Variants in PDGFD observed in about 807,000 individuals in gnomAD.
The protein encoded by PDGFD is platelet-derived growth factor D.
A neutral mutation model predicts 44.7 loss-of-function variants in PDGFD; 30 were observed. The ratio of observed to expected loss-of-function variants is 0.67; its 90% CI spans 0.50 to 0.91. PDGFD has a LOEUF of 0.91. Ranked by LOEUF, PDGFD falls within the 40% of genes least tolerant of loss-of-function variation. The pLI is 0.00. For synonymous variants in PDGFD, 173 were observed against 168.4 expected (o/e 1.03, Z -0.21); for missense variants, 445 against 457.8 (o/e 0.97, Z 0.25).
At chr11:104,159,153 C>CAAAA (rs765727400) in intron 1 of PDGFD, among the ~76,000 whole-genome samples, 23 of 66,482 alleles carry the variant, frequency 3.5e-4, no homozygotes, top group East Asian at 1.4e-3. Context: ...GACTCCATCT[C>CAAAA]AAAAAAAAAA....
chr11:103,957,820 A>G (rs1378656098), intron 3 of PDGFD, among the ~76,000 whole-genome samples: 2 of 152,164 alleles, frequency 1.3e-5, no homozygotes, highest in African/African-American at 4.8e-5. Flanking sequence ...GGGGTGCCGC[A>G]TACCAAGGGG....
chr11:104,162,164 C>T lies in PDGFD; in HGVS notation c.124+1640G>A, dbSNP rs78524957. On this transcript the variant is annotated intron_variant, in intron 1 of 6. Transcript: ENST00000393158. ...TATTCTCTTTCAAAAAAAAAAAAAC[C>T]TGCTGAGCTACATAACTTGGTTTTA... 2.2e-3 allele frequency among the ~76,000 whole-genome samples: 331 copies of T among 151,290 alleles called. 1 individual carries two copies. The highest frequency in any genetic ancestry group is 7.3e-3 in the African/African-American group (301 of 41,298).
chr11:104,147,874 T>C (rs1862185691), intron 1 of PDGFD, among the ~76,000 whole-genome samples: 1 of 152,192 alleles, frequency 6.6e-6, no homozygotes, highest in African/African-American at 2.4e-5. Context: ...TCACAAATCT[T>C]TTAAAATCAG....
chr11:103,970,261 A>G (rs1018572567), intron 3 of PDGFD, among the ~76,000 whole-genome samples: 3 of 152,130 alleles, frequency 2.0e-5, no homozygotes, highest in African/African-American at 7.2e-5. Context: ...GGTGGCTATT[A>G]CAGCATATCA....
intron 1 of PDGFD, among the ~76,000 whole-genome samples, chr11:104,015,844 C>A (rs1294785256): frequency 6.6e-6 from 1 of 152,074 alleles, no homozygotes; most frequent in Non-Finnish European, 1.5e-5. Flanking sequence ...AACAGAGACA[C>A]AGACAGTCCC....
intron 1 of PDGFD, among the ~76,000 whole-genome samples, chr11:104,060,900 G>A (rs970189773): frequency 1.3e-5 from 2 of 152,096 alleles, no homozygotes; most frequent in East Asian, 1.9e-4. Context: ...ACAACTCAGT[G>A]GTATTAATTA....
chr11:104,047,935 C>T (rs1212490321), intron 1 of PDGFD, among the ~76,000 whole-genome samples: 1 of 151,994 alleles, frequency 6.6e-6, no homozygotes, highest in African/African-American at 2.4e-5. Context: ...GATTATAGTA[C>T]ATAGCTAATG....
At chr11:104,124,281 G>C (rs1383885644) in intron 1 of PDGFD, among the ~76,000 whole-genome samples, 1 of 152,074 alleles carries the variant, frequency 6.6e-6, no homozygotes, top group Non-Finnish European at 1.5e-5. Context: ...ATAAAAGTCA[G>C]AGCAATTCGT....
chr11:103,928,556 C>T (rs552699208), intron 5 of PDGFD, among the ~76,000 whole-genome samples: 39 of 152,246 alleles, frequency 2.6e-4, no homozygotes, highest in Non-Finnish European at 4.7e-4. Flanking sequence ...GTCCACTAAC[C>T]GCATCCCTGT....
At chr11:104,033,733 G>A (rs1860167865) in intron 1 of PDGFD, among the ~76,000 whole-genome samples, 1 of 152,098 alleles carries the variant, frequency 6.6e-6, no homozygotes, top group African/African-American at 2.4e-5. Flanking sequence ...GGGGAAAAAA[G>A]ATAAAGGAAA....
chr11:103,950,168 T>C lies in PDGFD; in HGVS notation c.511-2444A>G, dbSNP rs188435311. ...ACAAAGTAAAGGGTTATGTTGACCATGTGTTAAAATCAGAAGAGGGACAGT... is the reference window on the plus strand; with the variant it reads ...ACAAAGTAAAGGGTTATGTTGACCACGTGTTAAAATCAGAAGAGGGACAGT... On this transcript the variant is annotated intron_variant, in intron 3 of 6. Transcript: ENST00000393158. Among the ~76,000 whole-genome samples the C allele has an allele frequency of 1.2e-3, 176 of 152,190 alleles. 1 individual carries two copies. Among genetic ancestry groups the C allele is most frequent in the African/African-American group, 3.7e-3 (152 of 41,530 alleles).
At chr11:103,955,080 C>T (rs935878089) in intron 3 of PDGFD, among the ~76,000 whole-genome samples, 1 of 138,310 alleles carries the variant, frequency 7.2e-6, no homozygotes, top group East Asian at 2.3e-4. Flanking sequence ...AGGAGAATGG[C>T]GTGAACCCGG....
intron 1 of PDGFD, among the ~76,000 whole-genome samples, chr11:104,053,046 A>C (rs979095800): frequency 1.3e-5 from 2 of 152,134 alleles, no homozygotes; most frequent in African/African-American, 4.8e-5. Context: ...CTAATTATTC[A>C]GTTTATATGC....
At chr11:104,138,870 T>A (rs1380157400) in intron 1 of PDGFD, among the ~76,000 whole-genome samples, 1 of 152,130 alleles carries the variant, frequency 6.6e-6, no homozygotes, top group Non-Finnish European at 1.5e-5. Flanking sequence ...CACGCAACTC[T>A]CCTGCCTCAG....
At chr11:103,942,872 TC>T (rs1274212985) in intron 5 of PDGFD, among the ~76,000 whole-genome samples, 1 of 152,116 alleles carries the variant, frequency 6.6e-6, no homozygotes, top group Non-Finnish European at 1.5e-5. Flanking sequence ...ATTACTTACT[TC>T]CTCTGACTTG....
intron 3 of PDGFD, among the ~76,000 whole-genome samples, chr11:103,953,985 T>C (rs548022800): frequency 6.6e-6 from 1 of 152,102 alleles, no homozygotes; most frequent in African/African-American, 2.4e-5. Flanking sequence ...TCAGGCTCAA[T>C]TTGAGAACAA....
chr11:104,017,338 G>A (rs1167356619), intron 1 of PDGFD, among the ~76,000 whole-genome samples: 1 of 150,816 alleles, frequency 6.6e-6, no homozygotes, highest in African/African-American at 2.5e-5. Context: ...CATTCCTTGG[G>A]TGTTTTTCCG....
intron 1 of PDGFD, among the ~76,000 whole-genome samples, chr11:104,146,695 TCTGCTA>T (rs1437953485): frequency 6.6e-6 from 1 of 152,300 alleles, no homozygotes; most frequent in East Asian, 1.9e-4. Context: ...TTAGTCCCCA[TCTGCTA>T]CCCAGACGTT....
At chr11:104,050,243 G>A (rs887203349) in intron 1 of PDGFD, among the ~76,000 whole-genome samples, 3 of 152,122 alleles carry the variant, frequency 2.0e-5, no homozygotes, top group African/African-American at 7.2e-5. Context: ...GCACGTGGGT[G>A]TAAATGCAGG....
Sources: gnomAD v4.1 joint callset for allele counts (sites outside exome capture counted in the v4.1 genomes callset) on GRCh38, gnomAD v4.1.1 for gene constraint, MANE v1.5 for transcripts, NCBI Gene and HGNC (gene_info 2026-07-23, HGNC 2026-07-21) for gene names.